CNTNAP2: variants seen among roughly 807,000 people sequenced by gnomAD.
CNTNAP2 encodes contactin-associated protein-like 2.
CNTNAP2 carries 98 observed loss-of-function variants against 155.2 expected under a neutral mutation model. That is an observed-to-expected ratio of 0.63 (90% confidence interval 0.54 to 0.75). The LOEUF is 0.75. Ranked by LOEUF, CNTNAP2 falls within the 30% of genes least tolerant of loss-of-function variation. CNTNAP2 has a pLI of 0.00. For missense variants in CNTNAP2, 1,727 were observed against 1,688.1 expected (o/e 1.02, Z -0.40); for synonymous variants, 651 against 631.2 (o/e 1.03, Z -0.47).
At chr7:147,978,614 G>C (rs984479188) in intron 15 of CNTNAP2, among the ~76,000 whole-genome samples, 1 of 152,038 alleles carries the variant, frequency 6.6e-6, no homozygotes, top group Non-Finnish European at 1.5e-5. Flanking sequence ...CTAATTAAGG[G>C]CACCATTAGG....
At chr7:146,753,548 A>G (rs1425137929) in intron 1 of CNTNAP2, among the ~76,000 whole-genome samples, 3 of 152,070 alleles carry the variant, frequency 2.0e-5, no homozygotes, top group Non-Finnish European at 2.9e-5. Flanking sequence ...TTGACTTTCA[A>G]TATTCTATAC....
At chr7:146,720,250 A>G (rs1801262246) in intron 1 of CNTNAP2, among the ~76,000 whole-genome samples, 1 of 152,148 alleles carries the variant, frequency 6.6e-6, no homozygotes, top group South Asian at 2.1e-4. Context: ...CTACTCCAAA[A>G]TGCTGTCAGC....
At chr7:146,345,052 T>G (rs1290837781) in intron 1 of CNTNAP2, among the ~76,000 whole-genome samples, 3 of 152,202 alleles carry the variant, frequency 2.0e-5, no homozygotes, top group Admixed American at 1.3e-4. Context: ...TGGAATGGAT[T>G]TAAAATTTAG....
intron 1 of CNTNAP2, among the ~76,000 whole-genome samples, chr7:146,577,429 C>A (rs1014093360): frequency 1.2e-4 from 19 of 152,186 alleles, no homozygotes; most frequent in African/African-American, 4.3e-4. Flanking sequence ...TAAAGCACTT[C>A]TACTGTGACT....
chr7:148,330,489 G>GTGGA (rs1300180352), intron 21 of CNTNAP2, among the ~76,000 whole-genome samples: 3 of 139,916 alleles, frequency 2.1e-5, no homozygotes, highest in African/African-American at 8.1e-5. Flanking sequence ...GACGGATGGA[G>GTGGA]TGGATGGATG....
At chr7:146,899,595 T>C (rs1419774111) in intron 3 of CNTNAP2, among the ~76,000 whole-genome samples, 5 of 152,220 alleles carry the variant, frequency 3.3e-5, no homozygotes, top group Non-Finnish European at 1.5e-5. Context: ...GTTGGTGTCA[T>C]GGCAGAGAAT....
intron 15 of CNTNAP2, among the ~76,000 whole-genome samples, chr7:147,985,046 C>T (rs1223161005): frequency 6.6e-6 from 1 of 151,944 alleles, no homozygotes; most frequent in African/African-American, 2.4e-5. Context: ...ACCCAGGAGG[C>T]AGAGGTTGCA....
intron 1 of CNTNAP2, among the ~76,000 whole-genome samples, chr7:146,480,284 G>A (rs915166760): frequency 2.1e-5 from 3 of 145,508 alleles, no homozygotes; most frequent in Non-Finnish European, 3.0e-5. Context: ...GGAAATGATT[G>A]GATGCCAGAA....
At chr7:147,135,519 T>C (rs1208922832) in intron 8 of CNTNAP2, among the ~76,000 whole-genome samples, 1 of 151,856 alleles carries the variant, frequency 6.6e-6, no homozygotes, top group African/African-American at 2.4e-5. Flanking sequence ...TAAATGATAA[T>C]ATTAAACAGG....
chr7:146,242,827 T>A (rs1397151237), intron 1 of CNTNAP2, among the ~76,000 whole-genome samples: 3 of 152,148 alleles, frequency 2.0e-5, no homozygotes, highest in African/African-American at 7.2e-5. Context: ...TTAACTACAT[T>A]ATAGAATGAT....
At chr7:147,531,266 C>T (rs1799426834) in intron 11 of CNTNAP2, among the ~76,000 whole-genome samples, 1 of 152,196 alleles carries the variant, frequency 6.6e-6, no homozygotes, top group Non-Finnish European at 1.5e-5. Context: ...TACAGCTCCA[C>T]TAGGCAGTGC....
At chr7:147,529,459 A>G (rs926126270) in intron 11 of CNTNAP2, among the ~76,000 whole-genome samples, 3 of 152,124 alleles carry the variant, frequency 2.0e-5, no homozygotes, top group South Asian at 2.1e-4. Context: ...CCTCCTGGCT[A>G]TGATCATGAG....
At chr7:148,382,456 A>C (rs1799086658) in intron 21 of CNTNAP2, among the ~76,000 whole-genome samples, 1 of 151,440 alleles carries the variant, frequency 6.6e-6, no homozygotes, top group African/African-American at 2.4e-5. Context: ...AAAGTTGCGA[A>C]AACTGTCAGG....
In CNTNAP2 at chr7:148,297,165, AAAGGAAGGAAGGAAGG is replaced by A. The variant is rs141074994; in HGVS notation, c.3475+30066_3475+30081del. Among the ~76,000 whole-genome samples, 804 of 128,914 alleles carry A rather than the reference AAAGGAAGGAAGGAAGG, an allele frequency of 6.2e-3. 8 individuals carry two copies. Among genetic ancestry groups the A allele is most frequent in the African/African-American group, 0.023 (759 of 33,446 alleles). 84.6% of individuals were successfully genotyped at this position (128,914 alleles called of 152,430 possible). A position where few individuals can be genotyped will look rare whatever the true frequency, so the allele number is the denominator to read the frequency against. ...AAAAAAAAAGAGAGGGAGATAGAGA[AAAGGAAGGAAGGAAGG>A]AAGGAAGGAAGGAAGGAAGGAAGGA... On this transcript the variant is annotated intron_variant, in intron 21 of 23. Coordinates refer to ENST00000361727, the MANE Select transcript of CNTNAP2 (RefSeq NM_014141.6).
At chr7:146,375,281 C>T (rs561328952) in intron 1 of CNTNAP2, among the ~76,000 whole-genome samples, 1 of 152,310 alleles carries the variant, frequency 6.6e-6, no homozygotes, top group East Asian at 1.9e-4. Flanking sequence ...CTACTGTCAC[C>T]AGTCATATTG....
intron 2 of CNTNAP2, among the ~76,000 whole-genome samples, chr7:146,830,389 G>T (rs921146809): frequency 1.3e-5 from 2 of 151,980 alleles, no homozygotes; most frequent in African/African-American, 4.8e-5. Flanking sequence ...ATAGATCTGG[G>T]TGGCTGTTAC....
At chr7:146,855,945 A>C (rs1794973844) in intron 3 of CNTNAP2, among the ~76,000 whole-genome samples, 1 of 150,786 alleles carries the variant, frequency 6.6e-6, no homozygotes, top group Non-Finnish European at 1.5e-5. Flanking sequence ...CCTAAGATAG[A>C]CTTTAATTAT....
At chr7:146,922,262 GAAAA>G (rs34517769) in intron 3 of CNTNAP2, among the ~76,000 whole-genome samples, 1 of 146,860 alleles carries the variant, frequency 6.8e-6, no homozygotes, top group South Asian at 2.2e-4. Flanking sequence ...CTTAATAAAG[GAAAA>G]AAAAAAAACG....
At chr7:147,113,708 T>G (rs1800930708) in intron 5 of CNTNAP2, among the ~76,000 whole-genome samples, 1 of 152,150 alleles carries the variant, frequency 6.6e-6, no homozygotes, top group South Asian at 2.1e-4. Flanking sequence ...TGGATTACAA[T>G]TCAAGATACG....
Sources: gnomAD v4.1 joint callset for allele counts (sites outside exome capture counted in the v4.1 genomes callset) on GRCh38, gnomAD v4.1.1 for gene constraint, MANE v1.5 for transcripts, NCBI Gene and HGNC (gene_info 2026-07-23, HGNC 2026-07-21) for gene names.